ASTN2: variants seen among roughly 807,000 people sequenced by gnomAD.
ASTN2 encodes the protein astrotactin 2.
Under a neutral mutation model 139.8 loss-of-function variants are expected in ASTN2, and 54 were observed. That is an observed-to-expected ratio of 0.39 (90% CI 0.31 to 0.48). The LOEUF is 0.48. Ranked by LOEUF, ASTN2 falls within the 20% of genes least tolerant of loss-of-function variation. ASTN2 has a pLI of 0.95. For missense variants in ASTN2, 1,565 were observed against 1,725.1 expected (o/e 0.91, Z 1.64); for synonymous variants, 756 against 719.5 (o/e 1.05, Z -0.81).
intron 19 of ASTN2, among the ~76,000 whole-genome samples, chr9:116,513,446 T>A (rs1850494303): frequency 6.6e-6 from 1 of 152,196 alleles, no homozygotes; most frequent in Non-Finnish European, 1.5e-5. Context: ...TTTTCCTTCA[T>A]TTCAACTTTG....
At chr9:116,912,996 T>C (rs1834357786) in intron 10 of ASTN2, among the ~76,000 whole-genome samples, 1 of 152,064 alleles carries the variant, frequency 6.6e-6, no homozygotes. Context: ...CTCTGCCTCC[T>C]GGGTTTAAGT....
chr9:116,444,301 C>CTGAA (rs1564281186), intron 20 of ASTN2, among the ~76,000 whole-genome samples: 2 of 152,186 alleles, frequency 1.3e-5, no homozygotes, highest in Admixed American at 6.5e-5. Context: ...GCCACACTTG[C>CTGAA]TGAACCCCAA....
chr9:117,152,272 T>A (rs1830341536), intron 3 of ASTN2, among the ~76,000 whole-genome samples: 2 of 152,174 alleles, frequency 1.3e-5, no homozygotes, highest in South Asian at 4.1e-4. Context: ...TTGCACAGAG[T>A]CAAAGCTCAA....
intron 2 of ASTN2, among the ~76,000 whole-genome samples, chr9:117,254,843 T>C (rs907632668): frequency 3.3e-5 from 5 of 152,204 alleles, no homozygotes; most frequent in Non-Finnish European, 4.4e-5. Flanking sequence ...CAGTCCTTTC[T>C]GTTCCTTTCC....
intron 14 of ASTN2, among the ~76,000 whole-genome samples, chr9:116,731,224 T>A (rs967725765): frequency 9.0e-4 from 124 of 137,524 alleles, no homozygotes; most frequent in Middle Eastern, 3.8e-3. Context: ...ATAATAATAA[T>A]AAATCTTTTG....
intron 1 of ASTN2, among the ~76,000 whole-genome samples, chr9:117,300,728 TG>T (rs1587926739): frequency 6.6e-6 from 1 of 152,238 alleles, no homozygotes; most frequent in Non-Finnish European, 1.5e-5. Flanking sequence ...AGGTCACCCG[TG>T]GGGACAGAAG....
At chr9:116,935,445 A>G (rs181429037) in intron 10 of ASTN2, among the ~76,000 whole-genome samples, 22 of 152,330 alleles carry the variant, frequency 1.4e-4, no homozygotes, top group Admixed American at 3.9e-4. Flanking sequence ...TGAACCTAGT[A>G]TATAGAAGAC....
intron 19 of ASTN2, among the ~76,000 whole-genome samples, chr9:116,514,818 G>C (rs1850570302): frequency 6.6e-6 from 1 of 152,204 alleles, no homozygotes; most frequent in Admixed American, 6.5e-5. Flanking sequence ...TAAACTCCTG[G>C]TGTGCCGTTT....
intron 10 of ASTN2, among the ~76,000 whole-genome samples, chr9:116,907,136 A>G (rs1316474918): frequency 1.3e-5 from 2 of 152,222 alleles, no homozygotes; most frequent in African/African-American, 4.8e-5. Flanking sequence ...AGAGAATTGT[A>G]CGAGATCACT....
At chr9:116,830,653 A>G (rs1831782263) in intron 11 of ASTN2, among the ~76,000 whole-genome samples, 1 of 151,854 alleles carries the variant, frequency 6.6e-6, no homozygotes, top group Non-Finnish European at 1.5e-5. Flanking sequence ...TTAGCCAGGC[A>G]TGGTGGCAAA....
At chr9:117,412,684 C>T (rs1307559687) in intron 1 of ASTN2, among the ~76,000 whole-genome samples, 2 of 152,022 alleles carry the variant, frequency 1.3e-5, no homozygotes, top group Admixed American at 6.5e-5. Flanking sequence ...GTTTGGGGGG[C>T]GGGAGGATTT....
intron 13 of ASTN2, among the ~76,000 whole-genome samples, chr9:116,777,881 T>C (rs903227242): frequency 3.5e-5 from 3 of 86,322 alleles, no homozygotes; most frequent in Non-Finnish European, 5.0e-5. Context: ...ATGGAGTCTG[T>C]TGTCAGGCTG....
chr9:116,759,700 C>T (rs2132166236), intron 13 of ASTN2, among the ~76,000 whole-genome samples: 1 of 152,216 alleles, frequency 6.6e-6, no homozygotes, highest in Admixed American at 6.5e-5. Flanking sequence ...ATTCCTTATC[C>T]TTCTTTATTT....
intron 13 of ASTN2, among the ~76,000 whole-genome samples, chr9:116,754,520 C>T (rs1829487348): frequency 6.6e-6 from 1 of 152,192 alleles, no homozygotes; most frequent in Admixed American, 6.5e-5. Context: ...GTGTGATGTC[C>T]ACCTATTTTT....
chr9:116,999,608 G>C (rs1415202286), intron 7 of ASTN2, among the ~76,000 whole-genome samples: 1 of 133,640 alleles, frequency 7.5e-6, no homozygotes, highest in Non-Finnish European at 1.5e-5. Context: ...CACCCAGGCT[G>C]GAGTGCACTG....
chr9:116,429,160 G>A (rs1349852077), intron 22 of ASTN2, among the ~76,000 whole-genome samples: 1 of 151,948 alleles, frequency 6.6e-6, no homozygotes, highest in Admixed American at 6.6e-5. Context: ...CCAACATGGT[G>A]AAACGCTGTG....
intron 16 of ASTN2, among the ~76,000 whole-genome samples, chr9:116,720,803 G>C (rs1828451693): frequency 6.6e-6 from 1 of 152,006 alleles, no homozygotes; most frequent in South Asian, 2.1e-4. Flanking sequence ...GATGATAAAA[G>C]TTACAGATTC....
chr9:116,438,808 G>A (rs1419923505), intron 22 of ASTN2, among the ~76,000 whole-genome samples: 1 of 152,072 alleles, frequency 6.6e-6, no homozygotes, highest in Non-Finnish European at 1.5e-5. Context: ...AAATTAGCCG[G>A]GCCTGGTGGT....
chr9:117,161,758 G>A (rs371765358), intron 3 of ASTN2, among the ~76,000 whole-genome samples: 3 of 152,144 alleles, frequency 2.0e-5, no homozygotes, highest in East Asian at 3.9e-4. Context: ...AGATGGAAGA[G>A]CAAAATTCTG....
Sources: gnomAD v4.1 joint callset for allele counts (sites outside exome capture counted in the v4.1 genomes callset) on GRCh38, gnomAD v4.1.1 for gene constraint, MANE v1.5 for transcripts, NCBI Gene and HGNC (gene_info 2026-07-23, HGNC 2026-07-21) for gene names.